Variants in BANP observed in about 807,000 individuals in gnomAD.
The protein encoded by BANP is protein BANP.
A neutral mutation model predicts 68.1 loss-of-function variants in BANP; 11 were observed. The observed-to-expected ratio is 0.16, with a 90% CI of 0.10 to 0.27. BANP has a LOEUF of 0.27. Ranked by LOEUF, BANP falls within the 10% of genes least tolerant of loss-of-function variation. BANP has a pLI of 1.00. For synonymous variants in BANP, 329 were observed against 303.2 expected, an observed-to-expected ratio of 1.09 and a Z score of -0.88; for missense variants, 504 against 722.7, an observed-to-expected ratio of 0.70 and a Z score of 3.47.
chr16:87,978,623 G>C (rs781268616), intron 2 of BANP: 1 of 470,114 alleles, frequency 2.1e-6, no homozygotes, highest in African/African-American at 2.0e-5. Context: ...TCATGAGGCC[G>C]AAGGCATAGC....
chr16:87,978,726 G>T, intron 2 of BANP: 1 of 460,248 alleles, frequency 2.2e-6, no homozygotes. Flanking sequence ...AGTAATACCA[G>T]TGTGTGACCA....
Position 88,031,037 on chromosome 16 carries a change from A to C in BANP, c.1064-2072A>C, listed in dbSNP as rs1243567737. Among the ~76,000 whole-genome samples the C allele has an allele frequency of 1.8e-4, 28 of 152,380 alleles. No homozygotes were observed. The South Asian group carries it at 3.5e-3, about 19-fold the overall frequency. On this transcript the variant is annotated intron_variant, in intron 8 of 13. Coordinates refer to ENST00000682872, the MANE Select transcript of BANP (RefSeq NM_001386991.1). The stretch of plus-strand genomic sequence containing the variant: ...CAGCAGCTCCGCGGAGGTGGGCTTC[A>C]GCCCAGCTGGGATTTTGTCATTTTC...
At chr16:88,069,550 G>A (rs1228366618) in intron 12 of BANP, among the ~76,000 whole-genome samples, 1 of 152,042 alleles carries the variant, frequency 6.6e-6, no homozygotes, top group Non-Finnish European at 1.5e-5. Flanking sequence ...CCAGGAGAGT[G>A]CCTCGGGGAC....
intron 4 of BANP, among the ~76,000 whole-genome samples, chr16:87,997,174 G>T (rs1436324500): frequency 6.6e-6 from 1 of 152,198 alleles, no homozygotes; most frequent in South Asian, 2.1e-4. Context: ...GCCCAGGCTG[G>T]TCTTGAACTC....
intron 1 of BANP, among the ~76,000 whole-genome samples, chr16:87,971,344 C>T (rs1222387438): frequency 3.9e-5 from 6 of 152,152 alleles, no homozygotes; most frequent in East Asian, 3.9e-4. Context: ...TTTGGTTTTC[C>T]GAAGCTTGTT....
chr16:87,984,017 G>T, intron 3 of BANP, 43 bp from the exon 4 acceptor site: 1 of 1,601,048 alleles, frequency 6.2e-7, no homozygotes, highest in Non-Finnish European at 8.5e-7. Flanking sequence ...TCTTCTTACA[G>T]TTCAGGAGAC....
chr16:87,954,650 G>T (rs572988490), intron 1 of BANP, among the ~76,000 whole-genome samples: 229 of 152,356 alleles, frequency 1.5e-3, no homozygotes, highest in Admixed American at 3.9e-3. Context: ...GTGCGGGACC[G>T]ACTTGGCAGG....
chr16:87,965,026 T>A (rs757560085), intron 1 of BANP, among the ~76,000 whole-genome samples: 2 of 152,138 alleles, frequency 1.3e-5, no homozygotes, highest in Non-Finnish European at 2.9e-5. Flanking sequence ...ATAGGCGCCA[T>A]TGGCGTGGAG....
intron 2 of BANP, among the ~76,000 whole-genome samples, chr16:87,975,493 T>G (rs1019775124): frequency 1.3e-5 from 2 of 152,180 alleles, no homozygotes; most frequent in Non-Finnish European, 2.9e-5. Flanking sequence ...GTGTGCGGCG[T>G]CGTGGATCTT....
chr16:88,075,154 T>C (rs1475493108), intron 13 of BANP, among the ~76,000 whole-genome samples: 1 of 152,208 alleles, frequency 6.6e-6, no homozygotes, highest in Non-Finnish European at 1.5e-5. Context: ...GAGACCAGCC[T>C]GCTCAACCTG....
Position 88,027,601 on chromosome 16 carries a change from C to T in BANP, c.1014C>T (p.Val338=). ...RRKQRGQSLA[V]KSFSRRTPNS... is the part of the protein sequence containing the mutation. The stretch of plus-strand genomic sequence containing the variant: ...AGCAGCGGGGCCAGAGCCTGGCGGT[C>T]AAGAGCTTCTCGCGGAGAACGCCCA... Residue 338 remains valine (V), a synonymous_variant, in exon 8 of 14, where the codon GTC becomes GTT. Coordinates refer to ENST00000682872, the MANE Select transcript of BANP (RefSeq NM_001386991.1). The T allele has an allele frequency of 6.2e-7, 1 of 1,613,936 alleles. No individual in the cohort carries two copies. Among genetic ancestry groups the T allele is most frequent in the African/African-American group, 1.3e-5 (1 of 75,060 alleles).
intron 3 of BANP, among the ~76,000 whole-genome samples, chr16:87,982,448 G>C (rs545203800): frequency 6.6e-6 from 1 of 152,178 alleles, no homozygotes; most frequent in Non-Finnish European, 1.5e-5. Context: ...GATGTTCTCC[G>C]GTTGTTGAAA....
intron 7 of BANP, among the ~76,000 whole-genome samples, chr16:88,026,323 A>C (rs1211930665): frequency 6.6e-6 from 1 of 152,204 alleles, no homozygotes; most frequent in East Asian, 1.9e-4. Flanking sequence ...TTTGTACTCT[A>C]GTTGAGAAGG....
intron 1 of BANP, chr16:87,952,487 C>A (rs1004840216): frequency 4.6e-5 from 7 of 152,168 alleles, no homozygotes; most frequent in African/African-American, 1.7e-4. Flanking sequence ...TGCTGGAACT[C>A]GCACTACAGT....
chr16:88,069,435 C>T (rs2089720059), intron 12 of BANP, among the ~76,000 whole-genome samples: 3 of 152,240 alleles, frequency 2.0e-5, no homozygotes, highest in Admixed American at 2.0e-4. Context: ...CGCCCGAGCC[C>T]TCCCCTCACA....
intron 12 of BANP, among the ~76,000 whole-genome samples, chr16:88,067,689 C>T (rs973697194): frequency 7.9e-5 from 12 of 152,158 alleles, no homozygotes; most frequent in Admixed American, 3.3e-4. Context: ...CGGCGCTCAC[C>T]CTGCCATGCT....
intron 1 of BANP, chr16:87,952,135 T>G (rs2057043728): frequency 6.6e-6 from 1 of 152,258 alleles, no homozygotes; most frequent in African/African-American, 2.4e-5. Context: ...GCGATTTCTG[T>G]GATCTAGTCC....
chr16:88,063,349 C>T (rs778169568), intron 11 of BANP, among the ~76,000 whole-genome samples: 1 of 152,314 alleles, frequency 6.6e-6, no homozygotes, highest in Admixed American at 6.5e-5. Context: ...GTTGTGTTGT[C>T]GTTGTGGTCC....
chr16:88,046,922 C>T (rs936760479), intron 11 of BANP, among the ~76,000 whole-genome samples: 101 of 151,648 alleles, frequency 6.7e-4, no homozygotes, highest in African/African-American at 2.1e-3. Flanking sequence ...AAAAATTAGC[C>T]GGACGTGGGG....
Sources: allele counts gnomAD v4.1 joint callset (sites outside exome capture counted in the v4.1 genomes callset), GRCh38; gene constraint gnomAD v4.1.1; transcripts MANE v1.5; gene names NCBI Gene and HGNC (gene_info 2026-07-23, HGNC 2026-07-21).